Variants in ZNF804B observed in about 807,000 individuals in gnomAD.
ZNF804B encodes zinc finger protein 804B, also known as zinc finger 804B.
A neutral mutation model predicts 101.4 loss-of-function variants in ZNF804B; 80 were observed. The ratio of observed to expected loss-of-function variants is 0.79; its 90% CI spans 0.66 to 0.95. The LOEUF (loss-of-function observed/expected upper bound fraction) is 0.95, where lower values mean the gene tolerates loss of function less well. Ranked by LOEUF, ZNF804B falls within the 40% of genes least tolerant of loss-of-function variation. ZNF804B has a pLI of 0.00. For missense variants in ZNF804B, 1,673 were observed against 1,561.9 expected, an observed-to-expected ratio of 1.07 and a Z score of -1.20; for synonymous variants, 622 against 558.8, an observed-to-expected ratio of 1.11 and a Z score of -1.59.
rs1792466514 is a variant in ZNF804B, at chr7:88,906,146, T to TTGGA, written c.108+146064_108+146067dup. Among the ~76,000 whole-genome samples, 3 of 152,192 alleles carry TTGGA rather than the reference T, an allele frequency of 2.0e-5. No homozygotes were observed. The South Asian group carries it at 6.2e-4, about 32-fold the overall frequency. On this transcript the variant is annotated intron_variant, in intron 1 of 3. Coordinates refer to ENST00000333190, the MANE Select transcript of ZNF804B (RefSeq NM_181646.5). ...ATTTGTCATTTCTGATTGTACTTATTTGGATCTTTTTTTTCTTTGTTTCTC... is the reference window on the plus strand; with the variant it reads ...ATTTGTCATTTCTGATTGTACTTATTTGGATGGATCTTTTTTTTCTTTGTTTCTC...
At chr7:89,193,247 C>A (rs1788488333) in intron 1 of ZNF804B, among the ~76,000 whole-genome samples, 1 of 150,580 alleles carries the variant, frequency 6.6e-6, no homozygotes, top group African/African-American at 2.5e-5. Context: ...ATCTAGAAAA[C>A]CCTATCATCT....
At chr7:89,286,807 G>T (rs1562937505) in intron 2 of ZNF804B, among the ~76,000 whole-genome samples, 1 of 152,164 alleles carries the variant, frequency 6.6e-6, no homozygotes, top group East Asian at 1.9e-4. Flanking sequence ...GAAAATGGCA[G>T]AAATATTGAT....
intron 1 of ZNF804B, among the ~76,000 whole-genome samples, chr7:89,114,353 C>G (rs925397362): frequency 2.0e-5 from 3 of 152,104 alleles, no homozygotes; most frequent in Non-Finnish European, 4.4e-5. Context: ...TAAAATCATG[C>G]AAAATATGCA....
intron 2 of ZNF804B, among the ~76,000 whole-genome samples, chr7:89,226,203 T>C (rs1039681148): frequency 1.3e-4 from 20 of 152,144 alleles, no homozygotes; most frequent in African/African-American, 4.3e-4. Context: ...AGCGTTCCAC[T>C]TTTGATTATT....
intron 1 of ZNF804B, among the ~76,000 whole-genome samples, chr7:88,900,312 G>A (rs1792369377): frequency 6.6e-6 from 1 of 151,646 alleles, no homozygotes; most frequent in Non-Finnish European, 1.5e-5. Context: ...GAACTATTCA[G>A]ACCCCTTAAA....
At chr7:88,828,352 G>A (rs1249563174) in intron 1 of ZNF804B, among the ~76,000 whole-genome samples, 3 of 151,932 alleles carry the variant, frequency 2.0e-5, no homozygotes, top group South Asian at 4.2e-4. Context: ...CTCTACCCCA[G>A]GCCTTTCTGG....
intron 1 of ZNF804B, among the ~76,000 whole-genome samples, chr7:89,124,161 A>C (rs1232789000): frequency 6.6e-6 from 1 of 152,218 alleles, no homozygotes; most frequent in East Asian, 1.9e-4. Context: ...GCAAAGCATC[A>C]GTAAACAAAC....
intron 2 of ZNF804B, among the ~76,000 whole-genome samples, chr7:89,258,073 A>G (rs1057257114): frequency 6.6e-6 from 1 of 152,070 alleles, no homozygotes; most frequent in Non-Finnish European, 1.5e-5. Context: ...ACATATTTGG[A>G]AAAAAATACA....
At chr7:88,902,706 A>T (rs1390152805) in intron 1 of ZNF804B, among the ~76,000 whole-genome samples, 1 of 152,076 alleles carries the variant, frequency 6.6e-6, no homozygotes, top group Non-Finnish European at 1.5e-5. Context: ...CAATTCTGAA[A>T]GTAAATATAT....
At chr7:89,229,692 A>G (rs1789158420) in intron 2 of ZNF804B, among the ~76,000 whole-genome samples, 1 of 152,256 alleles carries the variant, frequency 6.6e-6, no homozygotes, top group African/African-American at 2.4e-5. Context: ...AGTTGAACTG[A>G]ACAGTTACAT....
chr7:89,031,685 C>G (rs1204251599), intron 1 of ZNF804B, among the ~76,000 whole-genome samples: 5 of 148,766 alleles, frequency 3.4e-5, no homozygotes, highest in African/African-American at 1.2e-4. Flanking sequence ...CCCAAATGTA[C>G]AGCGAAAGAT....
At chr7:89,038,782 A>G (rs939112682) in intron 1 of ZNF804B, among the ~76,000 whole-genome samples, 3 of 152,040 alleles carry the variant, frequency 2.0e-5, no homozygotes, top group African/African-American at 7.2e-5. Flanking sequence ...AGAATATTTA[A>G]AGTTTTAAGT....
Position 88,946,283 on chromosome 7 carries a change from G to GT in ZNF804B, c.108+186210dup, listed in dbSNP as rs201266177. ...TCCATCGATACCTAGTTTATTGAGA[G>GT]TTTTTTTTTTTAGCATGAAAGGGTG... is the stretch of plus-strand genomic sequence containing the variant. On this transcript the variant is annotated intron_variant, in intron 1 of 3. Coordinates refer to ENST00000333190, the MANE Select transcript of ZNF804B (RefSeq NM_181646.5). Among the ~76,000 whole-genome samples, 756 of 147,340 alleles carry GT rather than the reference G, an allele frequency of 5.1e-3. 6 individuals are homozygous for GT. The highest frequency in any genetic ancestry group is 0.015 in the African/African-American group (613 of 40,456).
intron 2 of ZNF804B, among the ~76,000 whole-genome samples, chr7:89,319,529 A>G (rs554501432): frequency 1.3e-5 from 2 of 152,320 alleles, no homozygotes; most frequent in Non-Finnish European, 2.9e-5. Flanking sequence ...TGAGAAAGAT[A>G]TAGCTCTACT....
intron 1 of ZNF804B, among the ~76,000 whole-genome samples, chr7:88,889,940 T>A (rs1792191550): frequency 6.6e-6 from 1 of 152,192 alleles, no homozygotes; most frequent in African/African-American, 2.4e-5. Context: ...CCTTCTTCAG[T>A]TAATTTTTGT....
chr7:89,065,920 T>G (rs1789449322), intron 1 of ZNF804B, among the ~76,000 whole-genome samples: 1 of 152,178 alleles, frequency 6.6e-6, no homozygotes, highest in African/African-American at 2.4e-5. Context: ...GTGCTTAATT[T>G]AATCACATCT....
chr7:88,957,822 A>G (rs548624877), intron 1 of ZNF804B, among the ~76,000 whole-genome samples: 140 of 151,432 alleles, frequency 9.2e-4, no homozygotes, highest in African/African-American at 3.2e-3. Context: ...AAATTATTTA[A>G]TAACAAAAAT....
intron 1 of ZNF804B, among the ~76,000 whole-genome samples, chr7:88,855,247 AC>A (rs1791536476): frequency 6.6e-6 from 1 of 151,928 alleles, no homozygotes; most frequent in African/African-American, 2.4e-5. Flanking sequence ...CTATTTCTCC[AC>A]ATCCTCTCCA....
At chr7:89,185,370 A>G (rs550949469) in intron 1 of ZNF804B, among the ~76,000 whole-genome samples, 126 of 152,312 alleles carry the variant, frequency 8.3e-4, no homozygotes, top group African/African-American at 2.9e-3. Flanking sequence ...CAGGAAAAGC[A>G]TGGAGTGACC....
Sources: allele counts gnomAD v4.1 joint callset (sites outside exome capture counted in the v4.1 genomes callset), GRCh38; gene constraint gnomAD v4.1.1; transcripts MANE v1.5; gene names NCBI Gene and HGNC (gene_info 2026-07-23, HGNC 2026-07-21).